GLB1: variants seen among roughly 807,000 people sequenced by gnomAD.
GLB1 encodes the protein galactosidase beta 1.
Under a neutral mutation model 74.0 loss-of-function variants are expected in GLB1, and 56 were observed. The observed-to-expected ratio is 0.76, with a 90% CI of 0.61 to 0.94. The LOEUF is 0.94. Ranked by LOEUF, GLB1 falls within the 40% of genes least tolerant of loss-of-function variation. The probability of loss-of-function intolerance (pLI) is 0.00; values close to 1 mark genes in which losing one functional copy is unlikely to be tolerated. For missense variants in GLB1, 787 were observed against 845.5 expected, an observed-to-expected ratio of 0.93 and a Z score of 0.86; for synonymous variants, 323 against 323.6, an observed-to-expected ratio of 1.00 and a Z score of 0.02.
the GLB1 span, among the ~76,000 whole-genome samples, chr3:32,975,450 G>A: frequency 4.1e-3 from 630 of 152,168 alleles, 3 homozygotes; most frequent in Middle Eastern, 0.01. Context: ...TAGTTCTCTG[G>A]GGAAAGGGAG....
intron 1 of GLB1, chr3:33,092,929 C>G: frequency 6.2e-7 from 1 of 1,614,180 alleles, no homozygotes; most frequent in South Asian, 1.1e-5. Context: ...CTGACATACA[C>G]GAATGTAGCC....
At chr3:33,006,698 C>A (rs1231236291) in intron 15 of GLB1, among the ~76,000 whole-genome samples, 1 of 152,166 alleles carries the variant, frequency 6.6e-6, no homozygotes, top group Non-Finnish European at 1.5e-5. Context: ...AAGCCACATC[C>A]GACTCAAGTA....
chr3:33,068,181 C>G lies in GLB1; in HGVS notation c.457+49G>C, dbSNP rs758668665. 6.8e-6 allele frequency: 11 copies of G among 1,613,290 alleles called. No individual in the cohort carries two copies. In the South Asian group the frequency reaches 1.2e-4, roughly 18 times the overall value. On this transcript the variant is annotated intron_variant, in intron 4 of 15. Coordinates refer to ENST00000307363, the MANE Select transcript of GLB1 (RefSeq NM_000404.4). ...GGATTACAGGCGTGAGCCACCGCACCTAGGCTGAAGCTTTTATAAATCTTC... is the reference window on the plus strand; with the variant it reads ...GGATTACAGGCGTGAGCCACCGCACGTAGGCTGAAGCTTTTATAAATCTTC...
At chr3:33,051,615 A>AAAAAAAAAAAAAG (rs764769471) in intron 9 of GLB1, 143 bp downstream of exon 9, 14 of 1,178,016 alleles carry the variant, frequency 1.2e-5, no homozygotes, top group African/African-American at 5.1e-5. Context: ...AAAAAAAAAA[A>AAAAAAAAAAAAAG]AAAAGAAAAA....
Position 33,079,625 on chromosome 3 carries a change from T to C in GLB1, c.76-6912A>G, listed in dbSNP as rs569737921. On this transcript the variant is annotated intron_variant, in intron 1 of 15. Transcript: ENST00000307363. ...AATTATGGTTTATATTGTATGTGTA[T>C]TGTACATGCATGTTTGTATATATAC... Among the ~76,000 whole-genome samples, 30 of 152,354 alleles carry C rather than the reference T, an allele frequency of 2.0e-4. No homozygotes were observed. In the Middle Eastern group the frequency reaches 0.01, roughly 52 times the overall value.
chr3:33,026,437 T>A (rs1024967927), intron 10 of GLB1, among the ~76,000 whole-genome samples: 1 of 152,060 alleles, frequency 6.6e-6, no homozygotes, highest in Admixed American at 6.5e-5. Context: ...CCTGTAGGCG[T>A]CCCTTGGCAC....
chr3:33,078,792 C>G (rs983680029), intron 1 of GLB1, among the ~76,000 whole-genome samples: 2 of 152,112 alleles, frequency 1.3e-5, no homozygotes, highest in South Asian at 2.1e-4. Flanking sequence ...CAGTGTGAAC[C>G]TGGTTTGGAT....
At chr3:33,038,927 T>C (rs1481775334) in intron 10 of GLB1, among the ~76,000 whole-genome samples, 12 of 152,180 alleles carry the variant, frequency 7.9e-5, no homozygotes, top group Admixed American at 6.5e-4. Context: ...TTCTTTTTTG[T>C]TTTATTGACC....
At chr3:33,092,525 C>T in intron 1 of GLB1, 2 of 1,129,496 alleles carry the variant, frequency 1.8e-6, no homozygotes, top group Non-Finnish European at 2.2e-6. Flanking sequence ...GAGGTTCATC[C>T]CTGGGAGCTC....
At chr3:33,033,455 T>C (rs946014984) in intron 10 of GLB1, among the ~76,000 whole-genome samples, 7 of 152,196 alleles carry the variant, frequency 4.6e-5, no homozygotes, top group African/African-American at 1.7e-4. Flanking sequence ...ACAAACATTG[T>C]GGCCATCTGA....
chr3:33,058,453 A>G (rs919344434), intron 5 of GLB1, among the ~76,000 whole-genome samples, 184 bp from the exon 6 acceptor site: 1 of 152,194 alleles, frequency 6.6e-6, no homozygotes, highest in African/African-American at 2.4e-5. Flanking sequence ...AATTCACCAT[A>G]AAAGTTTACC....
chr3:33,097,012 C>T lies in GLB1; in HGVS notation c.74G>A (p.Arg25His), dbSNP rs889228362. 2 of 1,611,820 alleles carry T rather than the reference C, an allele frequency of 1.2e-6. No homozygotes were observed. Among genetic ancestry groups the T allele is most frequent in the African/African-American group, 1.3e-5 (1 of 74,868 alleles). ...LLLLGPTRGL[R>H]NATQRMFEID... is the part of the protein sequence containing the mutation. ...CGTACCCGGGTCCCGCAGACTTACG[C>T]GCAAGCCGCGCGTAGGGCCCAGAAG... Residue 25 changes from arginine to histidine, a missense_variant and splice_region_variant, in exon 1 of 16, where the codon CGC becomes CAC. Coordinates refer to ENST00000307363, the MANE Select transcript of GLB1 (RefSeq NM_000404.4).
At chr3:33,077,167 C>G (rs1355837217) in intron 1 of GLB1, 6 of 1,459,508 alleles carry the variant, frequency 4.1e-6, no homozygotes, top group Non-Finnish European at 5.5e-6. Context: ...CTTGGTACCT[C>G]TTTTGTGAAG....
At chr3:32,968,849 T>A in the GLB1 span, among the ~76,000 whole-genome samples, 1 of 152,218 alleles carries the variant, frequency 6.6e-6, no homozygotes, top group Non-Finnish European at 1.5e-5. Context: ...CATAAAGTCA[T>A]GGCATCGCCC....
chr3:33,012,718 T>C lies in GLB1; in HGVS notation c.1734+1338A>G, dbSNP rs72854763. 1.8e-3 allele frequency among the ~76,000 whole-genome samples: 277 copies of C among 152,326 alleles called. 1 individual carries two copies. The highest frequency in any genetic ancestry group is 6.3e-3 in the African/African-American group (264 of 41,576). ...AGCCTAAGTCCCCTTCTGAAGCTGC[T>C]TCTTTCAGCAAATGGTACCATTCTG... On this transcript the variant is annotated intron_variant, in intron 15 of 15. Coordinates refer to ENST00000307363, the MANE Select transcript of GLB1 (RefSeq NM_000404.4).
chr3:33,034,086 C>A, intron 10 of GLB1: 1 of 575,440 alleles, frequency 1.7e-6, no homozygotes. Context: ...AATATCCTGG[C>A]ATTGTGCTCC....
intron 13 of GLB1, among the ~76,000 whole-genome samples, chr3:33,017,641 G>A (rs1697289369): frequency 6.6e-6 from 1 of 152,210 alleles, no homozygotes; most frequent in Non-Finnish European, 1.5e-5. Flanking sequence ...AAATGCATCT[G>A]CTTTTGTTAT....
At chr3:33,001,275 T>C (rs979491223) in intron 15 of GLB1, among the ~76,000 whole-genome samples, 1 of 151,448 alleles carries the variant, frequency 6.6e-6, no homozygotes, top group African/African-American at 2.4e-5. Flanking sequence ...TGGACTCCAG[T>C]TGCTATTCAC....
chr3:32,971,544 A>G, the GLB1 span, among the ~76,000 whole-genome samples: 1 of 152,244 alleles, frequency 6.6e-6, no homozygotes, highest in African/African-American at 2.4e-5. Flanking sequence ...AATTAATGCC[A>G]CAAGATAACT....
Sources: gnomAD v4.1 joint callset for allele counts (sites outside exome capture counted in the v4.1 genomes callset) on GRCh38, gnomAD v4.1.1 for gene constraint, MANE v1.5 for transcripts, NCBI Gene and HGNC (gene_info 2026-07-23, HGNC 2026-07-21) for gene names.